The following EXOC5 variants were observed in gnomAD, a reference collection of about 807,000 sequenced individuals.
The protein encoded by EXOC5 is exocyst complex component 5, also known as SEC10-like 1.
A neutral mutation model predicts 90.8 loss-of-function variants in EXOC5; 17 were observed. The observed-to-expected ratio is 0.19, with a 90% confidence interval of 0.13 to 0.28. The LOEUF is 0.28. Among genes scored for constraint, EXOC5 ranks in the 10% least tolerant of loss-of-function variants. The probability of loss-of-function intolerance (pLI) is 1.00; values close to 1 mark genes in which losing one functional copy is unlikely to be tolerated. For missense variants in EXOC5, 569 were observed against 830.6 expected, an observed-to-expected ratio of 0.69 and a Z score of 3.87; for synonymous variants, 260 against 270.0, an observed-to-expected ratio of 0.96 and a Z score of 0.36.
intron 6 of EXOC5, among the ~76,000 whole-genome samples, chr14:57,236,301 T>TTTC: frequency 6.6e-6 from 1 of 151,162 alleles, no homozygotes; most frequent in Non-Finnish European, 1.5e-5. Context: ...TTTTTTTTTT[T>TTTC]TTCGAGACAG....
chr14:57,212,004 C>A (rs952129820), intron 15 of EXOC5, among the ~76,000 whole-genome samples: 2 of 152,168 alleles, frequency 1.3e-5, no homozygotes, highest in African/African-American at 4.8e-5. Context: ...GGACTACAGG[C>A]ACATGCCAGA....
chr14:57,230,860 CA>C (rs936103798), intron 11 of EXOC5, among the ~76,000 whole-genome samples: 3 of 145,050 alleles, frequency 2.1e-5, no homozygotes, highest in African/African-American at 7.7e-5. Flanking sequence ...GCAACAGTAA[CA>C]AAAAAAAGAT....
intron 4 of EXOC5, among the ~76,000 whole-genome samples, chr14:57,240,861 T>C (rs1190320659): frequency 1.3e-5 from 2 of 152,098 alleles, no homozygotes; most frequent in African/African-American, 4.8e-5. Flanking sequence ...TTTTATTTTC[T>C]CTTTTTTTTG....
In EXOC5 at chr14:57,259,185, G is replaced by C. The variant is rs150186358; in HGVS notation, c.27+9437C>G. Among the ~76,000 whole-genome samples the C allele has an allele frequency of 5.3e-5, 8 of 151,318 alleles. No individual in the cohort carries two copies. The East Asian group carries it at 1.6e-3, about 29-fold the overall frequency. ...AATGCAGTGGTACAATCTCGGCTCCGCCTCCTGGGTTCAAGCAAGTCTCAT... is the reference window on the plus strand; with the variant it reads ...AATGCAGTGGTACAATCTCGGCTCCCCCTCCTGGGTTCAAGCAAGTCTCAT... On this transcript the variant is annotated intron_variant, in intron 1 of 17. Transcript: ENST00000621441.
intron 12 of EXOC5, among the ~76,000 whole-genome samples, chr14:57,228,498 T>TA (rs751889400): frequency 3.5e-4 from 53 of 152,092 alleles, no homozygotes; most frequent in Non-Finnish European, 6.5e-4. Context: ...ATGTGGCACA[T>TA]ATATGCCATG....
chr14:57,236,690 T>C (rs1883671044), intron 6 of EXOC5, among the ~76,000 whole-genome samples: 1 of 152,172 alleles, frequency 6.6e-6, no homozygotes. Flanking sequence ...ACTAGCTGTG[T>C]CATCCTTATT....
intron 12 of EXOC5, among the ~76,000 whole-genome samples, chr14:57,222,682 T>G (rs1308999781): frequency 6.6e-6 from 1 of 150,916 alleles, no homozygotes; most frequent in Non-Finnish European, 1.5e-5. Flanking sequence ...TATACTTTCA[T>G]AAAATGTATA....
rs1003208718 is a variant in EXOC5, at chr14:57,201,546, T to C, written c.*7063A>G. On this transcript the variant is annotated 3_prime_UTR_variant, in exon 18 of 18. Coordinates refer to ENST00000621441, the MANE Select transcript of EXOC5 (RefSeq NM_006544.4). ...TATACACACACACCACACATATACA[T>C]ATATTTTTATATATATTAATATTAT... 1.5e-5 allele frequency: 2 copies of C among 129,778 alleles called. No homozygotes were observed. Among genetic ancestry groups the C allele is most frequent in the Non-Finnish European group, 3.1e-5 (2 of 64,688 alleles). The allele number at this position is 129,778 out of a possible 1,614,324, so 8.0% of individuals were successfully genotyped here.
At position 57,207,095 on chromosome 14, in the gene EXOC5, G is replaced by A. The variant is rs775852393; in HGVS notation, c.*1514C>T. On this transcript the variant is annotated 3_prime_UTR_variant, in exon 18 of 18. Coordinates refer to ENST00000621441, the MANE Select transcript of EXOC5 (RefSeq NM_006544.4). ...AATGTCCTAAAATGCTCTGAAAGAA[G>A]TTGGTATACTTCATTCCCCAGCTTA... The A allele has an allele frequency of 3.3e-5, 5 of 152,456 alleles. No homozygotes were observed. The highest frequency in any genetic ancestry group is 7.4e-5 in the Non-Finnish European group (5 of 67,938). The allele number at this position is 152,456 out of a possible 1,614,324, so 9.4% of individuals were successfully genotyped here. A position where few individuals can be genotyped will look rare whatever the true frequency, so the allele number is the denominator to read the frequency against.
intron 1 of EXOC5, 21 bp from the exon 2 acceptor site, chr14:57,247,733 C>T: frequency 1.5e-6 from 2 of 1,350,686 alleles, no homozygotes; most frequent in South Asian, 1.4e-5. Context: ...AAAAAATACG[C>T]TTTAACAAAG....
intron 3 of EXOC5, among the ~76,000 whole-genome samples, chr14:57,244,890 G>C (rs1314998342): frequency 6.6e-6 from 1 of 152,066 alleles, no homozygotes; most frequent in Non-Finnish European, 1.5e-5. Flanking sequence ...CAGCTAGCTG[G>C]GAGGCTGAGG....
At chr14:57,254,846 G>C (rs1884302423) in intron 1 of EXOC5, among the ~76,000 whole-genome samples, 1 of 152,188 alleles carries the variant, frequency 6.6e-6, no homozygotes. Context: ...AGAGGCCTCA[G>C]CATGATAACT....
intron 4 of EXOC5, among the ~76,000 whole-genome samples, chr14:57,240,641 T>C (rs1439844163): frequency 6.6e-6 from 1 of 152,104 alleles, no homozygotes; most frequent in Non-Finnish European, 1.5e-5. Flanking sequence ...AGTTCTAAAA[T>C]TCTTTAATGC....
At chr14:57,213,350 C>T (rs1405259597) in intron 15 of EXOC5, among the ~76,000 whole-genome samples, 1 of 151,418 alleles carries the variant, frequency 6.6e-6, no homozygotes, top group African/African-American at 2.5e-5. Flanking sequence ...CCACTGCACA[C>T]CAGCCTGGGT....
chr14:57,257,349 G>A (rs1168087258), intron 1 of EXOC5, among the ~76,000 whole-genome samples: 5 of 151,682 alleles, frequency 3.3e-5, no homozygotes, highest in African/African-American at 1.2e-4. Flanking sequence ...ATATGTAAGA[G>A]AAATATAGAG....
chr14:57,229,708 T>G, intron 12 of EXOC5, 26 bp downstream of exon 12: 1 of 1,435,076 alleles, frequency 7.0e-7, no homozygotes, highest in Non-Finnish European at 9.3e-7. Flanking sequence ...ACTGTATATG[T>G]AAAATACATT....
chr14:57,214,494 T>A (rs751340816), intron 15 of EXOC5, among the ~76,000 whole-genome samples: 1 of 152,070 alleles, frequency 6.6e-6, no homozygotes, highest in Non-Finnish European at 1.5e-5. Flanking sequence ...AGGGAACTTA[T>A]GAAGAATGGC....
chr14:57,218,151 C>T (rs1426623368), intron 14 of EXOC5, 83 bp from the exon 15 acceptor site: 4 of 628,866 alleles, frequency 6.4e-6, no homozygotes, highest in Non-Finnish European at 1.1e-5. Context: ...ATGTGTATTA[C>T]ATTATATACA....
intron 14 of EXOC5, 126 bp from the exon 15 acceptor site, chr14:57,218,194 T>C: frequency 2.0e-6 from 1 of 493,472 alleles, no homozygotes; most frequent in South Asian, 4.1e-5. Context: ...CACATTAATA[T>C]TGTTAACAAA....
Sources: gnomAD v4.1 joint callset for allele counts (sites outside exome capture counted in the v4.1 genomes callset) on GRCh38, gnomAD v4.1.1 for gene constraint, MANE v1.5 for transcripts, NCBI Gene and HGNC (gene_info 2026-07-23, HGNC 2026-07-21) for gene names.